MTFR1: variants seen among roughly 807,000 people sequenced by gnomAD.
MTFR1 encodes chondrocyte protein with a poly-proline region.
A neutral mutation model predicts 38.8 loss-of-function variants in MTFR1; 28 were observed. That is an observed-to-expected ratio of 0.72 (90% CI 0.53 to 0.99). MTFR1 has a LOEUF of 0.99. MTFR1 is among the 50% of genes least tolerant of loss of function. The pLI is 0.00. For synonymous variants in MTFR1, 145 were observed against 137.0 expected (o/e 1.06, Z -0.41); for missense variants, 358 against 395.5 (o/e 0.91, Z 0.81).
At chr8:65,746,066 G>A (rs902884180) in intron 3 of MTFR1, among the ~76,000 whole-genome samples, 3 of 151,928 alleles carry the variant, frequency 2.0e-5, no homozygotes, top group African/African-American at 7.2e-5. Flanking sequence ...GAGAAGCTGG[G>A]ACTACAAGCA....
chr8:65,760,200 A>G (rs1286611963), intron 3 of MTFR1, among the ~76,000 whole-genome samples: 1 of 152,204 alleles, frequency 6.6e-6, no homozygotes, highest in Non-Finnish European at 1.5e-5. Flanking sequence ...AGATCGTGCT[A>G]CTGCACTCCA....
At chr8:65,724,685 C>A in intron 3 of MTFR1, 1 of 1,109,560 alleles carries the variant, frequency 9.0e-7, no homozygotes, top group Non-Finnish European at 1.3e-6. Flanking sequence ...AAGATTTAAC[C>A]ATTCTGAAAA....
intron 3 of MTFR1, among the ~76,000 whole-genome samples, chr8:65,689,399 A>AT (rs1382112919): frequency 6.6e-6 from 1 of 152,162 alleles, no homozygotes; most frequent in Non-Finnish European, 1.5e-5. Context: ...TTTTTTTGGT[A>AT]TATTATCAGA....
intron 1 of MTFR1, among the ~76,000 whole-genome samples, chr8:65,664,399 G>A (rs1238494139): frequency 6.6e-6 from 1 of 152,090 alleles, no homozygotes; most frequent in South Asian, 2.1e-4. Context: ...AAGTCAGAAG[G>A]CACAACTAAT....
intron 1 of MTFR1, among the ~76,000 whole-genome samples, chr8:65,660,018 C>T (rs764366957): frequency 2.0e-5 from 3 of 152,040 alleles, no homozygotes; most frequent in Non-Finnish European, 2.9e-5. Flanking sequence ...GGCCGGGCAT[C>T]GTGGCTCACG....
chr8:65,747,357 C>A (rs1177095798), intron 3 of MTFR1, among the ~76,000 whole-genome samples: 3 of 152,180 alleles, frequency 2.0e-5, no homozygotes, highest in African/African-American at 7.2e-5. Flanking sequence ...GTCTTCCCAG[C>A]ATTACAATTC....
chr8:65,687,007 C>T (rs548515103), intron 3 of MTFR1, among the ~76,000 whole-genome samples: 18 of 152,034 alleles, frequency 1.2e-4, no homozygotes, highest in African/African-American at 4.3e-4. Flanking sequence ...TCTTGTATTT[C>T]CACAAGGATA....
chr8:65,672,573 C>T (rs1053628865), intron 2 of MTFR1, among the ~76,000 whole-genome samples: 4 of 151,968 alleles, frequency 2.6e-5, no homozygotes, highest in African/African-American at 9.7e-5. Context: ...TACAGTGGCG[C>T]AGTCTTGGCT....
intron 3 of MTFR1, chr8:65,725,016 G>A: frequency 3.0e-6 from 2 of 672,738 alleles, no homozygotes; most frequent in Non-Finnish European, 4.6e-6. Context: ...AGGCTTTATA[G>A]AACCCTAAAA....
upstream of MTFR1, among the ~76,000 whole-genome samples, chr8:65,644,485 A>G (rs1238958531): frequency 6.6e-6 from 1 of 152,246 alleles, no homozygotes; most frequent in Non-Finnish European, 1.5e-5. Flanking sequence ...TGAAGCTGAC[A>G]AAAGCACTTC....
At chr8:65,676,163 A>C (rs1367144505) in intron 2 of MTFR1, among the ~76,000 whole-genome samples, 1 of 152,144 alleles carries the variant, frequency 6.6e-6, no homozygotes, top group Non-Finnish European at 1.5e-5. Context: ...CCCAACACAC[A>C]CTTTTAATTT....
intron 3 of MTFR1, among the ~76,000 whole-genome samples, chr8:65,686,434 T>G (rs1805076783): frequency 1.3e-5 from 2 of 150,954 alleles, no homozygotes; most frequent in Non-Finnish European, 3.0e-5. Context: ...TAGCCAGGCA[T>G]GATAGCAAGT....
At chr8:65,730,136 A>C (rs1456249228) in intron 3 of MTFR1, among the ~76,000 whole-genome samples, 1 of 144,518 alleles carries the variant, frequency 6.9e-6, no homozygotes, top group Non-Finnish European at 1.5e-5. Context: ...ACCCTATTGT[A>C]AACTGTGCAT....
At chr8:65,660,833 TAGGGGA>T (rs2129048938) in intron 1 of MTFR1, among the ~76,000 whole-genome samples, 1 of 152,286 alleles carries the variant, frequency 6.6e-6, no homozygotes, top group African/African-American at 2.4e-5. Context: ...TGTTCTCCAG[TAGGGGA>T]AGGAATAAAT....
intron 5 of MTFR1, among the ~76,000 whole-genome samples, chr8:65,706,690 G>A (rs1805789477): frequency 1.3e-5 from 2 of 152,126 alleles, no homozygotes; most frequent in Non-Finnish European, 1.5e-5. Flanking sequence ...TGTTTTTGCA[G>A]TACTTTGTTT....
intron 3 of MTFR1, among the ~76,000 whole-genome samples, chr8:65,738,622 G>C (rs1401094170): frequency 3.3e-5 from 5 of 152,086 alleles, no homozygotes; most frequent in Non-Finnish European, 7.4e-5. Flanking sequence ...AGTAGAGATG[G>C]GGTATTTGCC....
At position 65,709,222 on chromosome 8, in the gene MTFR1, G is replaced by GA. The variant is rs1805873859; in HGVS notation, c.*179dup. ...ACTAAGTTTGGTTTTGCTTTTGTGA[G>GA]ATGGTCAGCTTTGGTGCTCTCCACA... On this transcript the variant is annotated 3_prime_UTR_variant, in exon 8 of 8. Coordinates refer to ENST00000262146, the MANE Select transcript of MTFR1 (RefSeq NM_014637.4). 5.0e-6 allele frequency: 3 copies of GA among 598,146 alleles called. No individual in the cohort carries two copies. The highest frequency in any genetic ancestry group is 8.9e-6 in the Non-Finnish European group (3 of 336,634). 37.1% of individuals were successfully genotyped at this position (598,146 alleles called of 1,614,324 possible). A position where few individuals can be genotyped will look rare whatever the true frequency, so the allele number is the denominator to read the frequency against.
chr8:65,659,831 A>G (rs1456211516), intron 1 of MTFR1, among the ~76,000 whole-genome samples: 2 of 152,130 alleles, frequency 1.3e-5, no homozygotes, highest in African/African-American at 2.4e-5. Flanking sequence ...AAAAGTATTA[A>G]TATTTCCTGA....
chr8:65,707,095 C>T lies in MTFR1; in HGVS notation c.603C>T (p.Leu201=), dbSNP rs1331741739. ...PPPLPPPALG[L]HQSTSAVDLI... The stretch of plus-strand genomic sequence containing the variant: ...CCCTGCCTCCCCCTGCACTGGGGCT[C>T]CACCAAAGTACATCTGCTGTTGATC... The change falls in exon 6 of 8, where the codon CTC becomes CTT. Residue 201 remains leucine (L), a synonymous_variant. Transcript: ENST00000262146. 3.1e-6 allele frequency: 5 copies of T among 1,607,186 alleles called. No individual in the cohort carries two copies. Among genetic ancestry groups the T allele is most frequent in the African/African-American group, 1.3e-5 (1 of 74,656 alleles).
Sources: gnomAD v4.1 joint callset for allele counts (sites outside exome capture counted in the v4.1 genomes callset) on GRCh38, gnomAD v4.1.1 for gene constraint, MANE v1.5 for transcripts, NCBI Gene and HGNC (gene_info 2026-07-23, HGNC 2026-07-21) for gene names.